NELL2: variants seen among roughly 807,000 people sequenced by gnomAD.
The protein encoded by NELL2 is neural EGFL like 2, also known as protein kinase C-binding protein NELL2.
A neutral mutation model predicts 109.6 loss-of-function variants in NELL2; 41 were observed. The observed-to-expected ratio is 0.37, with a 90% confidence interval of 0.29 to 0.49. The LOEUF (loss-of-function observed/expected upper bound fraction) is 0.49. NELL2 is among the 20% of genes least tolerant of loss of function. The pLI, the probability that NELL2 is intolerant of heterozygous loss-of-function variation, is 0.98. For missense variants in NELL2, 900 were observed against 1,008.3 expected (o/e 0.89, Z 1.45); for synonymous variants, 355 against 344.7 (o/e 1.03, Z -0.33).
intron 13 of NELL2, among the ~76,000 whole-genome samples, chr12:44,635,511 G>GT: frequency 6.6e-6 from 1 of 152,274 alleles, no homozygotes; most frequent in Non-Finnish European, 1.5e-5. Context: ...TGGCTAGCCA[G>GT]TTTTCCCAAC....
chr12:44,758,854 A>G (rs1941003706), intron 9 of NELL2, among the ~76,000 whole-genome samples: 1 of 152,162 alleles, frequency 6.6e-6, no homozygotes, highest in South Asian at 2.1e-4. Context: ...CTGAACTAGT[A>G]TTCTTTAAAG....
intron 15 of NELL2, among the ~76,000 whole-genome samples, chr12:44,587,284 A>AAAAAAAAAAAAATATATATATAT: frequency 3.5e-4 from 25 of 72,184 alleles, no homozygotes; most frequent in East Asian, 5.7e-4. Context: ...AAAAAAAAAA[A>AAAAAAAAAAAAATATATATATAT]ATATATATAT....
At chr12:44,797,440 G>C (rs999438918) in intron 3 of NELL2, among the ~76,000 whole-genome samples, 1 of 152,034 alleles carries the variant, frequency 6.6e-6, no homozygotes, top group Non-Finnish European at 1.5e-5. Context: ...AATTTTACAA[G>C]GGTTTCATAG....
chr12:44,789,047 G>C (rs1942286558), intron 3 of NELL2, among the ~76,000 whole-genome samples: 2 of 151,928 alleles, frequency 1.3e-5, no homozygotes, highest in African/African-American at 4.8e-5. Context: ...GCCCCCACCT[G>C]ATGGTCCTTC....
Position 44,875,999 on chromosome 12 carries a change from G to C in NELL2, c.-130C>G. On this transcript the variant is annotated 5_prime_UTR_variant, in exon 1 of 20. In the 5' UTR this introduces an upstream ATG that the reference lacks. Transcript: ENST00000429094. The stretch of plus-strand genomic sequence containing the variant: ...CTGCCTCGGATTTACTGATCAGTAG[G>C]ATTAATACGCTTTGGTTGCCTAAGA... The C allele has an allele frequency of 6.5e-7, 1 of 1,541,154 alleles. No individual in the cohort carries two copies. Among genetic ancestry groups the C allele is most frequent in the Non-Finnish European group, 8.7e-7 (1 of 1,151,150 alleles).
chr12:44,823,142 G>T (rs1411973908), intron 2 of NELL2, among the ~76,000 whole-genome samples: 2 of 152,190 alleles, frequency 1.3e-5, no homozygotes, highest in African/African-American at 4.8e-5. Flanking sequence ...AATTAAAATT[G>T]TATATATTTA....
rs1260901761 is a variant in NELL2, at chr12:44,776,062, A to G, written c.851T>C (p.Phe284Ser). 13 of 1,613,890 alleles carry G rather than the reference A, an allele frequency of 8.1e-6. No individual in the cohort carries two copies. The highest frequency in any genetic ancestry group is 1.1e-5 in the South Asian group (1 of 91,076). Residue 284 changes from phenylalanine to serine, a missense_variant, in exon 8 of 20, where the codon TTT (phenylalanine) becomes TCT (serine). This residue lies in a region of NELL2 where 292 missense variants were observed against 265.3 expected (regional missense o/e 1.10). Coordinates refer to ENST00000429094, the MANE Select transcript of NELL2 (RefSeq NM_001145108.2). ...CTMKGTTYRE[F>S]ESWIDGCKNC... ...CTTACAGCCGTCTATCCAGGACTCA[A>G]ATTCTCGGTAGGTGGTTCCCTTCAT...
chr12:44,622,127 A>G (rs1946082866), intron 13 of NELL2, among the ~76,000 whole-genome samples: 1 of 152,190 alleles, frequency 6.6e-6, no homozygotes. Flanking sequence ...GCTCCAACAG[A>G]TACAAAATCA....
intron 15 of NELL2, among the ~76,000 whole-genome samples, chr12:44,595,607 T>A (rs1305762422): frequency 4.7e-5 from 7 of 150,120 alleles, no homozygotes; most frequent in Admixed American, 4.0e-4. Flanking sequence ...TTTTTTTTTT[T>A]TTTTTTTGTA....
At chr12:44,852,985 T>C (rs1339223186) in intron 2 of NELL2, among the ~76,000 whole-genome samples, 1 of 152,132 alleles carries the variant, frequency 6.6e-6, no homozygotes, top group Non-Finnish European at 1.5e-5. Flanking sequence ...ATCAGAGGCT[T>C]AGTGTCTTCA....
intron 15 of NELL2, among the ~76,000 whole-genome samples, chr12:44,592,099 T>C (rs988472229): frequency 2.9e-4 from 44 of 152,280 alleles, no homozygotes; most frequent in African/African-American, 9.9e-4. Context: ...TGGCTAAGTT[T>C]AACTATTCAA....
At chr12:44,564,798 A>G (rs1415664790) in intron 15 of NELL2, among the ~76,000 whole-genome samples, 2 of 152,136 alleles carry the variant, frequency 1.3e-5, no homozygotes, top group Non-Finnish European at 2.9e-5. Context: ...TTTTTCTTTC[A>G]TTACACACTA....
At chr12:44,796,905 AG>A (rs1437577822) in intron 3 of NELL2, among the ~76,000 whole-genome samples, 1 of 152,108 alleles carries the variant, frequency 6.6e-6, no homozygotes, top group African/African-American at 2.4e-5. Context: ...TGTAAATTAC[AG>A]GTAATTTATT....
intron 15 of NELL2, among the ~76,000 whole-genome samples, chr12:44,567,067 C>A (rs955836120): frequency 1.3e-5 from 2 of 152,150 alleles, no homozygotes; most frequent in Non-Finnish European, 2.9e-5. Context: ...GCCTTGGCAT[C>A]CCAAAATGCT....
At chr12:44,642,493 C>A (rs1442900735) in intron 13 of NELL2, among the ~76,000 whole-genome samples, 1 of 152,092 alleles carries the variant, frequency 6.6e-6, no homozygotes, top group Non-Finnish European at 1.5e-5. Flanking sequence ...AGTTTCTGTT[C>A]AATGGGTATA....
intron 3 of NELL2, among the ~76,000 whole-genome samples, chr12:44,806,205 T>C (rs1238735842): frequency 6.6e-6 from 1 of 151,776 alleles, no homozygotes; most frequent in Admixed American, 6.6e-5. Context: ...ATAAAAAATA[T>C]GGAAAATTGA....
At chr12:44,714,173 T>G (rs1280775524) in intron 10 of NELL2, among the ~76,000 whole-genome samples, 3 of 151,960 alleles carry the variant, frequency 2.0e-5, no homozygotes, top group Non-Finnish European at 4.4e-5. Flanking sequence ...TGTAAGGAAT[T>G]TCCCTTTAAC....
intron 9 of NELL2, among the ~76,000 whole-genome samples, chr12:44,745,220 A>AT (rs1258576148): frequency 6.6e-6 from 1 of 151,966 alleles, no homozygotes; most frequent in African/African-American, 2.4e-5. Flanking sequence ...ATCTCAACAG[A>AT]TGCAGAAAAG....
chr12:44,664,234 A>G (rs979370847), intron 13 of NELL2, among the ~76,000 whole-genome samples: 1 of 152,132 alleles, frequency 6.6e-6, no homozygotes, highest in Admixed American at 6.6e-5. Context: ...TGTCTAAAAA[A>G]ATGAAGAATT....
Sources: gnomAD v4.1 joint callset for allele counts (sites outside exome capture counted in the v4.1 genomes callset) on GRCh38, gnomAD v4.1.1 for gene constraint, gnomAD v4.1.1 regional missense constraint, MANE v1.5 for transcripts, NCBI Gene and HGNC (gene_info 2026-07-23, HGNC 2026-07-21) for gene names.